The following CNBD1 variants were observed in gnomAD, a reference collection of about 807,000 sequenced individuals.
CNBD1 encodes cyclic nucleotide binding domain containing 1.
CNBD1 carries 71 observed loss-of-function variants against 54.4 expected under a neutral mutation model. The ratio of observed to expected loss-of-function variants is 1.30; its 90% CI spans 1.08 to 1.59. The LOEUF (loss-of-function observed/expected upper bound fraction) is 1.59. CNBD1 is among the 40% of genes most tolerant of loss of function. CNBD1 has a pLI of 0.00. For missense variants in CNBD1, 659 were observed against 518.0 expected (o/e 1.27, Z -2.64); for synonymous variants, 182 against 170.7 (o/e 1.07, Z -0.51).
intron 10 of CNBD1, among the ~76,000 whole-genome samples, chr8:87,364,229 A>C (rs1294417701): frequency 6.6e-6 from 1 of 150,754 alleles, no homozygotes; most frequent in African/African-American, 2.5e-5. Context: ...AAGTATCTAT[A>C]TATATGTATA....
chr8:87,220,226 AT>A (rs1446702106), intron 5 of CNBD1, among the ~76,000 whole-genome samples: 2 of 151,996 alleles, frequency 1.3e-5, no homozygotes, highest in African/African-American at 4.8e-5. Context: ...ATGAATTCTC[AT>A]TTCCGTGTTT....
At chr8:87,348,484 A>C (rs540951600) in intron 8 of CNBD1, among the ~76,000 whole-genome samples, 118 of 152,288 alleles carry the variant, frequency 7.7e-4, no homozygotes, top group African/African-American at 2.7e-3. Context: ...ATAAAGTTCA[A>C]AGATAACATT....
At chr8:86,871,832 C>G (rs533510834) in intron 1 of CNBD1, among the ~76,000 whole-genome samples, 14 of 152,326 alleles carry the variant, frequency 9.2e-5, no homozygotes, top group African/African-American at 3.4e-4. Context: ...TATATAGTAG[C>G]TCAGGTTCAA....
chr8:87,351,549 C>T (rs900423595), intron 8 of CNBD1, 136 bp from the exon 9 acceptor site: 8 of 763,274 alleles, frequency 1.0e-5, no homozygotes, highest in African/African-American at 9.2e-5. Context: ...TAAGTACTGT[C>T]TATAAACTGG....
chr8:87,018,880 A>G (rs1051989912), intron 4 of CNBD1, among the ~76,000 whole-genome samples: 1 of 152,206 alleles, frequency 6.6e-6, no homozygotes, highest in African/African-American at 2.4e-5. Context: ...AGGGGGTACT[A>G]AAAATGCCTA....
chr8:87,050,062 G>A lies in CNBD1; in HGVS notation c.431+110308G>A, dbSNP rs75541504. Among the ~76,000 whole-genome samples, 1,034 of 152,302 alleles carry A rather than the reference G, an allele frequency of 6.8e-3. 6 individuals are homozygous for A. The highest frequency in any genetic ancestry group is 0.017 in the Middle Eastern group (5 of 294). On this transcript the variant is annotated intron_variant, in intron 4 of 10. Transcript: ENST00000518476. Reference sequence around the variant, plus strand: ...AGTGCTTTAAGTAAGGCTTGCTTTAGCTAGTTAAAGGATTTTTGGGCCTCA... The same window carrying A: ...AGTGCTTTAAGTAAGGCTTGCTTTAACTAGTTAAAGGATTTTTGGGCCTCA...
At chr8:87,118,508 A>G (rs1196554072) in intron 4 of CNBD1, among the ~76,000 whole-genome samples, 2 of 152,140 alleles carry the variant, frequency 1.3e-5, no homozygotes, top group African/African-American at 4.8e-5. Context: ...ACCTGGCAGA[A>G]GGCACAATCA....
chr8:87,352,741 G>A (rs925392398), intron 9 of CNBD1, among the ~76,000 whole-genome samples: 1 of 151,982 alleles, frequency 6.6e-6, no homozygotes, highest in Non-Finnish European at 1.5e-5. Context: ...TAATTACTGT[G>A]GTAGAAAAGT....
At chr8:87,291,749 G>A (rs2130875307) in intron 8 of CNBD1, among the ~76,000 whole-genome samples, 1 of 152,180 alleles carries the variant, frequency 6.6e-6, no homozygotes, top group South Asian at 2.1e-4. Flanking sequence ...CATTCGAGTA[G>A]CTGAGACTAA....
intron 2 of CNBD1, among the ~76,000 whole-genome samples, chr8:86,892,383 C>T (rs1178510189): frequency 1.3e-5 from 2 of 152,008 alleles, no homozygotes; most frequent in Admixed American, 6.5e-5. Context: ...CAGAATTTTC[C>T]AAAGACACAA....
chr8:87,039,957 G>T lies in CNBD1; in HGVS notation c.431+100203G>T, dbSNP rs529693948. 1.7e-3 allele frequency among the ~76,000 whole-genome samples: 257 copies of T among 152,286 alleles called. 1 individual carries two copies. The highest frequency in any genetic ancestry group is 6.0e-3 in the African/African-American group (251 of 41,552). On this transcript the variant is annotated intron_variant, in intron 4 of 10. Transcript: ENST00000518476. ...GGTGGGGAGCCACAAGACCAGATGA[G>T]TCAGTTTACTGATCTGGGTGGTGAC...
At chr8:87,335,591 C>G (rs1446182466) in intron 8 of CNBD1, among the ~76,000 whole-genome samples, 1 of 152,020 alleles carries the variant, frequency 6.6e-6, no homozygotes, top group Non-Finnish European at 1.5e-5. Flanking sequence ...TTTGAGCCTA[C>G]GTGTGTCTTT....
At chr8:87,357,942 T>A (rs79926855) in intron 10 of CNBD1, among the ~76,000 whole-genome samples, 1 of 152,194 alleles carries the variant, frequency 6.6e-6, no homozygotes, top group East Asian at 1.9e-4. Context: ...ATGAGTGAGT[T>A]GTTTCTCTGT....
chr8:87,224,397 T>A (rs1011663003), intron 5 of CNBD1, among the ~76,000 whole-genome samples: 20 of 151,770 alleles, frequency 1.3e-4, no homozygotes, highest in African/African-American at 4.9e-4. Context: ...AAGTCTTTAA[T>A]CCATCTTGAA....
intron 5 of CNBD1, among the ~76,000 whole-genome samples, chr8:87,226,612 G>T (rs1198455238): frequency 1.3e-5 from 2 of 149,740 alleles, no homozygotes; most frequent in Admixed American, 6.6e-5. Context: ...GAGATAGTTT[G>T]TTGTAATTTC....
At chr8:87,128,343 T>C (rs372595118) in intron 4 of CNBD1, among the ~76,000 whole-genome samples, 11 of 152,288 alleles carry the variant, frequency 7.2e-5, no homozygotes, top group African/African-American at 2.6e-4. Context: ...GATGCTGCCA[T>C]AGGGCTGGAG....
chr8:87,082,860 C>G (rs139406047), intron 4 of CNBD1, among the ~76,000 whole-genome samples: 1 of 152,114 alleles, frequency 6.6e-6, no homozygotes, highest in African/African-American at 2.4e-5. Flanking sequence ...TAAAATGATT[C>G]CATTTTAAAT....
rs968761613 is a variant in CNBD1 at position 86,866,558 on chromosome 8, T to G, written c.63T>G (p.Pro21=). 5.0e-6 allele frequency: 8 copies of G among 1,610,612 alleles called. No individual in the cohort carries two copies. The highest frequency in any genetic ancestry group is 2.7e-5 in the African/African-American group (2 of 74,984). Residue 21 remains proline (P), a synonymous_variant, in exon 1 of 11, where the codon CCT becomes CCG. Coordinates refer to ENST00000518476, the MANE Select transcript of CNBD1 (RefSeq NM_173538.3). ...ACATGACAGCTATTAACAATGTGCC[T>G]CCTCCTCCACTTCACAGTATACCAA... is the stretch of plus-strand genomic sequence containing the variant. ...LSHMTAINNV[P]PPPLHSIPNL...
chr8:87,044,213 T>C (rs370967714), intron 4 of CNBD1, among the ~76,000 whole-genome samples: 15 of 146,336 alleles, frequency 1.0e-4, no homozygotes, highest in Admixed American at 6.8e-4. Context: ...TTTTTGTGGG[T>C]TTTTTTTTTG....
Sources: allele counts gnomAD v4.1 joint callset (sites outside exome capture counted in the v4.1 genomes callset), GRCh38; gene constraint gnomAD v4.1.1; transcripts MANE v1.5; gene names NCBI Gene and HGNC (gene_info 2026-07-23, HGNC 2026-07-21).